TNFRSF11B: variants seen among roughly 807,000 people sequenced by gnomAD.
TNFRSF11B encodes tumor necrosis factor receptor superfamily member 11B.
Under a neutral mutation model 43.4 loss-of-function variants are expected in TNFRSF11B, and 16 were observed. That is an observed-to-expected ratio of 0.37 (90% CI 0.25 to 0.56). TNFRSF11B has a LOEUF of 0.56. Among genes scored for constraint, TNFRSF11B ranks in the 20% least tolerant of loss-of-function variants. TNFRSF11B has a pLI of 0.80. For synonymous variants in TNFRSF11B, 185 were observed against 181.8 expected, an observed-to-expected ratio of 1.02 and a Z score of -0.14; for missense variants, 444 against 490.1, an observed-to-expected ratio of 0.91 and a Z score of 0.89.
At chr8:118,930,241 C>T (rs1422503391) in intron 2 of TNFRSF11B, among the ~76,000 whole-genome samples, 1 of 152,156 alleles carries the variant, frequency 6.6e-6, no homozygotes, top group South Asian at 2.1e-4. Flanking sequence ...AAATGGGATA[C>T]AACTCTATAT....
At chr8:118,930,570 C>T (rs1209205526) in intron 2 of TNFRSF11B, 6 of 270,572 alleles carry the variant, frequency 2.2e-5, no homozygotes, top group Non-Finnish European at 4.6e-5. Flanking sequence ...CACCACCATG[C>T]CCTGCTAATT....
intron 4 of TNFRSF11B, among the ~76,000 whole-genome samples, chr8:118,925,852 ATC>A (rs1452546394): frequency 2.0e-5 from 3 of 152,124 alleles, no homozygotes; most frequent in Non-Finnish European, 2.9e-5. Context: ...TTCTCTCCCT[ATC>A]TCTCTCTGTT....
chr8:118,939,951 T>C (rs1170662728), intron 1 of TNFRSF11B, among the ~76,000 whole-genome samples: 1 of 152,186 alleles, frequency 6.6e-6, no homozygotes, highest in Non-Finnish European at 1.5e-5. Flanking sequence ...GCACAGATAA[T>C]TTTAAAAAGG....
chr8:118,937,296 A>G (rs1234803888), intron 1 of TNFRSF11B, among the ~76,000 whole-genome samples: 2 of 152,150 alleles, frequency 1.3e-5, no homozygotes, highest in Admixed American at 1.3e-4. Context: ...CTTGGAAAAA[A>G]AGTCTTGCTC....
intron 1 of TNFRSF11B, among the ~76,000 whole-genome samples, chr8:118,944,149 C>T (rs1238126040): frequency 6.6e-6 from 1 of 152,114 alleles, no homozygotes; most frequent in Non-Finnish European, 1.5e-5. Context: ...GGTCTTATGT[C>T]ATGCCAATAA....
At chr8:118,935,516 G>C (rs1812392458) in intron 1 of TNFRSF11B, among the ~76,000 whole-genome samples, 1 of 152,170 alleles carries the variant, frequency 6.6e-6, no homozygotes, top group African/African-American at 2.4e-5. Flanking sequence ...AAGATGACAT[G>C]TCTGACTTTG....
At chr8:118,950,187 T>C (rs1320622490) in intron 1 of TNFRSF11B, among the ~76,000 whole-genome samples, 1 of 152,228 alleles carries the variant, frequency 6.6e-6, no homozygotes. Context: ...ATGTTTGTTA[T>C]TAATTAAATC....
Position 118,926,638 on chromosome 8 carries a change from C to T in TNFRSF11B, c.673G>A (p.Asp225Asn). ...FTPNWLSVLV[D>N]NLPGTKVNAE... ...TTTACTTTGGTGCCAGGCAAATTGT[C>T]TACCAAGACACTAAGCCAGTTAGGC... Residue 225 changes from aspartate to asparagine, a missense_variant, in exon 4 of 5, where the codon GAC (aspartate) becomes AAC (asparagine). Transcript: ENST00000297350. 6.2e-7 allele frequency: 1 copy of T among 1,614,100 alleles called. No individual in the cohort carries two copies. The highest frequency in any genetic ancestry group is 8.5e-7 in the Non-Finnish European group (1 of 1,179,986).
chr8:118,927,803 G>T (rs1474358807), intron 3 of TNFRSF11B, among the ~76,000 whole-genome samples: 3 of 152,112 alleles, frequency 2.0e-5, no homozygotes, highest in Non-Finnish European at 4.4e-5. Context: ...GTGAAGGTCT[G>T]AGATTAGTCT....
rs1356719380 is a variant in TNFRSF11B, at chr8:118,924,592, T to C, written c.988A>G (p.Ser330Gly). 1 of 1,614,224 alleles carries C rather than the reference T, an allele frequency of 6.2e-7. No homozygotes were observed. The highest frequency in any genetic ancestry group is 1.7e-5 in the Admixed American group (1 of 60,024). The change falls in exon 5 of 5, where the codon AGT becomes GGT. Residue 330 changes from serine (S) to glycine (G), a missense_variant. By Grantham distance (56) the Ser-to-Gly change is moderately conservative. Transcript: ENST00000297350. ...KPSDQILKLL[S>G]LWRIKNGDQD... ...TCGCCATTTTTTATTCGCCACAAACTGAGCAGCTTCAGGATCTGGTCACTG... is the reference window on the plus strand; with the variant it reads ...TCGCCATTTTTTATTCGCCACAAACCGAGCAGCTTCAGGATCTGGTCACTG...
At chr8:118,927,375 G>A (rs1459247595) in intron 3 of TNFRSF11B, among the ~76,000 whole-genome samples, 1 of 151,948 alleles carries the variant, frequency 6.6e-6, no homozygotes, top group Non-Finnish European at 1.5e-5. Context: ...TAGTTCTGCC[G>A]TTCTACTACC....
chr8:118,951,157 A>C (rs1157484951), intron 1 of TNFRSF11B, among the ~76,000 whole-genome samples: 1 of 152,208 alleles, frequency 6.6e-6, no homozygotes, highest in Non-Finnish European at 1.5e-5. Flanking sequence ...ATGTTTTAGA[A>C]CATAACATAC....
chr8:118,938,224 G>T (rs1812429977), intron 1 of TNFRSF11B, among the ~76,000 whole-genome samples: 1 of 152,036 alleles, frequency 6.6e-6, no homozygotes, highest in African/African-American at 2.4e-5. Context: ...CAAGTGATCT[G>T]CCTGCTTCAG....
At chr8:118,943,506 C>T (rs1406986539) in intron 1 of TNFRSF11B, among the ~76,000 whole-genome samples, 1 of 152,020 alleles carries the variant, frequency 6.6e-6, no homozygotes, top group Non-Finnish European at 1.5e-5. Context: ...TTTTACTGGA[C>T]TCAGCTAATA....
chr8:118,938,383 G>T (rs1812432443), intron 1 of TNFRSF11B, among the ~76,000 whole-genome samples: 1 of 152,138 alleles, frequency 6.6e-6, no homozygotes. Context: ...TACCTACTTA[G>T]AATGTTTAAT....
At chr8:118,948,959 A>C (rs867077264) in intron 1 of TNFRSF11B, among the ~76,000 whole-genome samples, 5 of 152,132 alleles carry the variant, frequency 3.3e-5, no homozygotes, top group African/African-American at 1.2e-4. Context: ...CCCAACTCCT[A>C]GTATCATAAC....
Position 118,930,642 on chromosome 8 carries a change from C to T in TNFRSF11B, c.401-1713G>A, listed in dbSNP as rs915528647. On this transcript the variant is annotated intron_variant, in intron 2 of 4. Transcript: ENST00000297350. ...GGCCAGGCTGGTCTTGAACTCCTGA[C>T]CTCAGGTGATCTGCCCGCCTTGACC... is the stretch of plus-strand genomic sequence containing the variant. 7 of 379,302 alleles carry T rather than the reference C, an allele frequency of 1.8e-5. No individual in the cohort carries two copies. The East Asian group carries it at 5.4e-4, about 29-fold the overall frequency. 23.5% of individuals were successfully genotyped at this position (379,302 alleles called of 1,614,324 possible).
In TNFRSF11B at chr8:118,933,154, C is replaced by G; in HGVS notation, c.177G>C (p.Lys59Asn). The G allele has an allele frequency of 1.2e-6, 2 of 1,614,192 alleles. No individual in the cohort carries two copies. The highest frequency in any genetic ancestry group is 1.7e-6 in the Non-Finnish European group (2 of 1,180,044). ...GGTCAGGGCAAGGGGCGCACACGGT[C>G]TTCCACTTTGCTGTACAGTGTTGTT... The part of the protein sequence containing the change: ...YLKQHCTAKW[K>N]TVCAPCPDHY... Residue 59 changes from lysine to asparagine, a missense_variant, in exon 2 of 5, where the codon AAG becomes AAC. Lys to Asn is a moderately conservative substitution (Grantham distance 94, BLOSUM62 0). Transcript: ENST00000297350.
intron 1 of TNFRSF11B, among the ~76,000 whole-genome samples, chr8:118,942,865 G>T (rs1011657653): frequency 2.6e-5 from 4 of 151,942 alleles, no homozygotes; most frequent in African/African-American, 4.8e-5. Context: ...CATATAAATG[G>T]TCAACTGCAA....
Sources: gnomAD v4.1 joint callset for allele counts (sites outside exome capture counted in the v4.1 genomes callset) on GRCh38, gnomAD v4.1.1 for gene constraint, MANE v1.5 for transcripts, NCBI Gene and HGNC (gene_info 2026-07-23, HGNC 2026-07-21) for gene names.